Variants in PANK1 observed in about 807,000 individuals in gnomAD.
PANK1 encodes pantothenic acid kinase 1.
A neutral mutation model predicts 40.1 loss-of-function variants in PANK1; 18 were observed. That is an observed-to-expected ratio of 0.45 (90% CI 0.31 to 0.67). The LOEUF is 0.67. PANK1 is among the 30% of genes least tolerant of loss of function. The pLI is 0.06. For synonymous variants in PANK1, 242 were observed against 237.7 expected (o/e 1.02, Z -0.17); for missense variants, 457 against 599.6 (o/e 0.76, Z 2.48).
chr10:89,624,901 A>AC (rs1845613940), intron 1 of PANK1, among the ~76,000 whole-genome samples: 1 of 152,204 alleles, frequency 6.6e-6, no homozygotes, highest in South Asian at 2.1e-4. Context: ...TAGCTGGACT[A>AC]CATTTCTTTG....
rs369831755 is a variant in PANK1, at chr10:89,595,833, A to AATAT, written c.900-1848_900-1845dup. On this transcript the variant is annotated intron_variant, in intron 3 of 6. Transcript: ENST00000307534. ...CTCCATCTTAAAAAAAAAAAAAAAAAATATATATATATATATATATATATA... is the reference window on the plus strand; with the variant it reads ...CTCCATCTTAAAAAAAAAAAAAAAAAATATATATATATATATATATATATATATA... Among the ~76,000 whole-genome samples the AATAT allele has an allele frequency of 9.0e-3, 302 of 33,670 alleles. 2 individuals carry two copies. The highest frequency in any genetic ancestry group is 0.011 in the Non-Finnish European group (220 of 20,732). The allele number at this position is 33,670 out of a possible 152,430, so 22.1% of individuals were successfully genotyped here.
chr10:89,591,033 T>A (rs1844368454), intron 5 of PANK1, among the ~76,000 whole-genome samples: 1 of 151,192 alleles, frequency 6.6e-6, no homozygotes, highest in South Asian at 2.1e-4. Context: ...CCTTTACATA[T>A]GTTTATGAAT....
chr10:89,631,971 TG>T (rs773894795), intron 1 of PANK1, among the ~76,000 whole-genome samples: 6,426 of 82,730 alleles, frequency 0.078, 188 homozygotes, highest in South Asian at 0.17. Context: ...TGTGTGTGTG[TG>T]TGTGTTTTTT....
rs765895674 is a variant in PANK1, at chr10:89,611,844, C to T, written c.497G>A (p.Arg166His). 1.2e-5 allele frequency: 20 copies of T among 1,614,052 alleles called. No homozygotes were observed. The highest frequency in any genetic ancestry group is 2.2e-5 in the East Asian group (1 of 44,892). Residue 166 changes from arginine to histidine, a missense_variant, in exon 2 of 7, where the codon CGC becomes CAC. Coordinates refer to ENST00000307534, the MANE Select transcript of PANK1 (RefSeq NM_148977.3). ...GCGGATGAAGTGCAGGTTCCCTTTG[C>T]GTCCACACATGGTCAGGTTTTTCAG... ...LELKNLTMCG[R>H]KGNLHFIRFP... is the part of the protein sequence containing the mutation.
chr10:89,605,603 GCTAGTTCTAC>G (rs1326274348), intron 2 of PANK1, among the ~76,000 whole-genome samples: 1 of 152,038 alleles, frequency 6.6e-6, no homozygotes, highest in Non-Finnish European at 1.5e-5. Flanking sequence ...TAGTTCTCTG[GCTAGTTCTAC>G]CATATCTGCG....
intron 1 of PANK1, among the ~76,000 whole-genome samples, chr10:89,623,561 T>A (rs1437282255): frequency 6.6e-6 from 1 of 152,044 alleles, no homozygotes; most frequent in Non-Finnish European, 1.5e-5. Flanking sequence ...CACTTGAACT[T>A]CATAATCAGA....
intron 1 of PANK1, among the ~76,000 whole-genome samples, chr10:89,620,528 C>A (rs531056848): frequency 6.6e-6 from 1 of 152,334 alleles, no homozygotes; most frequent in Non-Finnish European, 1.5e-5. Flanking sequence ...CTAGTCAGAC[C>A]TGTTGTCTGC....
chr10:89,582,991 C>T lies in PANK1; in HGVS notation c.*1415G>A, dbSNP rs1844082791. On this transcript the variant is annotated 3_prime_UTR_variant, in exon 7 of 7. Transcript: ENST00000307534. ...AATAACATATACACTAAAAACATCACAACAGAAACAGGCTTTATTTCAACC... is the reference window on the plus strand; with the variant it reads ...AATAACATATACACTAAAAACATCATAACAGAAACAGGCTTTATTTCAACC... 6.6e-6 allele frequency: 1 copy of T among 152,184 alleles called. No homozygotes were observed. Among genetic ancestry groups the T allele is most frequent in the Non-Finnish European group, 1.5e-5 (1 of 68,012 alleles). The allele number at this position is 152,184 out of a possible 1,614,324, so 9.4% of individuals were successfully genotyped here. A position where few individuals can be genotyped will look rare whatever the true frequency, so the allele number is the denominator to read the frequency against.
intron 1 of PANK1, among the ~76,000 whole-genome samples, chr10:89,623,382 T>C (rs567296000): frequency 2.0e-5 from 3 of 152,060 alleles, no homozygotes; most frequent in Admixed American, 6.6e-5. Flanking sequence ...CCACCATGCC[T>C]GGCTAATTTT....
chr10:89,644,893 CCGGGGGCTGG>C lies in PANK1; in HGVS notation c.-12_-3del. On this transcript the variant is annotated 5_prime_UTR_variant, in exon 1 of 7. Transcript: ENST00000307534. ...CTGCTGCCCGCTGCGGTCGCCCATG[CCGGGGGCTGG>C]CGGGGCTGTGCGCGGGCCCCGGCTC... 1.3e-6 allele frequency: 2 copies of C among 1,516,134 alleles called. No individual in the cohort carries two copies. Among genetic ancestry groups the C allele is most frequent in the Non-Finnish European group, 1.8e-6 (2 of 1,136,792 alleles). 93.9% of individuals were successfully genotyped at this position (1,516,134 alleles called of 1,614,324 possible).
At position 89,593,240 on chromosome 10, in the gene PANK1, GTGA is replaced by G. The variant is rs1564618301; in HGVS notation, c.1154_1156del (p.Ile385del). 1 of 1,613,714 alleles carries G rather than the reference GTGA, an allele frequency of 6.2e-7. No individual in the cohort carries two copies. Among genetic ancestry groups the G allele is most frequent in the Non-Finnish European group, 8.5e-7 (1 of 1,179,744 alleles). On this transcript the variant is annotated inframe_deletion, in exon 5 of 7. Coordinates refer to ENST00000307534, the MANE Select transcript of PANK1 (RefSeq NM_148977.3). ...CCGAGCAATGGAGCCAATGTTGTTG[GTGA>G]TGGTGACCAATGTGGCCCGGGCGAG...
At chr10:89,628,898 G>A (rs761403348) in intron 1 of PANK1, among the ~76,000 whole-genome samples, 4 of 152,058 alleles carry the variant, frequency 2.6e-5, no homozygotes, top group Non-Finnish European at 4.4e-5. Context: ...GTAAACATGC[G>A]CTTCCCAGGC....
At chr10:89,641,088 A>T (rs974133687) in intron 1 of PANK1, among the ~76,000 whole-genome samples, 1 of 152,230 alleles carries the variant, frequency 6.6e-6, no homozygotes, top group Non-Finnish European at 1.5e-5. Context: ...AGGTAGCAAT[A>T]CTAGAGTGTG....
intron 2 of PANK1, among the ~76,000 whole-genome samples, chr10:89,606,575 G>A (rs932207662): frequency 6.6e-6 from 1 of 151,920 alleles, no homozygotes; most frequent in African/African-American, 2.4e-5. Flanking sequence ...CCAGGCTGGA[G>A]TGCAGTGGCA....
chr10:89,611,869 G>C lies in PANK1; in HGVS notation c.472C>G (p.Leu158Val). 4.3e-6 allele frequency: 7 copies of C among 1,614,228 alleles called. No homozygotes were observed. Among genetic ancestry groups the C allele is most frequent in the Non-Finnish European group, 5.9e-6 (7 of 1,180,042 alleles). ...KTGIRDVHLE[L>V]KNLTMCGRKG... The stretch of plus-strand genomic sequence containing the variant: ...CGTCCACACATGGTCAGGTTTTTCA[G>C]TTCCAGGTGGACGTCTCGGATCCCA... The change falls in exon 2 of 7, where the codon CTG (leucine) becomes GTG (valine). Residue 158 changes from leucine (L) to valine (V), a missense_variant. By Grantham distance (32) the Leu-to-Val change is conservative. Transcript: ENST00000307534.
intron 1 of PANK1, among the ~76,000 whole-genome samples, chr10:89,632,511 G>A (rs1179173996): frequency 6.6e-6 from 1 of 151,694 alleles, no homozygotes; most frequent in Non-Finnish European, 1.5e-5. Context: ...AAAAAAATTT[G>A]GTGTTCCTCA....
chr10:89,629,997 C>CT (rs1564635548), intron 1 of PANK1, among the ~76,000 whole-genome samples: 1 of 152,306 alleles, frequency 6.6e-6, no homozygotes, highest in African/African-American at 2.4e-5. Flanking sequence ...TGCTAAAACT[C>CT]TAAGACAGCA....
chr10:89,640,864 T>C (rs1349434430), intron 1 of PANK1, among the ~76,000 whole-genome samples: 1 of 152,222 alleles, frequency 6.6e-6, no homozygotes, highest in African/African-American at 2.4e-5. Context: ...TTGGTCACCA[T>C]GCCAAATAAA....
chr10:89,614,956 G>A (rs1169066503), intron 1 of PANK1, among the ~76,000 whole-genome samples: 2 of 151,996 alleles, frequency 1.3e-5, no homozygotes, highest in Non-Finnish European at 2.9e-5. Flanking sequence ...GGAAGGAAGG[G>A]AGAAGAGAAG....
Sources: gnomAD v4.1 joint callset for allele counts (sites outside exome capture counted in the v4.1 genomes callset) on GRCh38, gnomAD v4.1.1 for gene constraint, MANE v1.5 for transcripts, NCBI Gene and HGNC (gene_info 2026-07-23, HGNC 2026-07-21) for gene names.